Variants in KCNIP1 observed in about 807,000 individuals in gnomAD.
KCNIP1 encodes the protein A-type potassium channel modulatory protein KCNIP1.
A neutral mutation model predicts 33.0 loss-of-function variants in KCNIP1; 18 were observed. That is an observed-to-expected ratio of 0.55 (90% CI 0.38 to 0.81). KCNIP1 has a LOEUF of 0.81. KCNIP1 is among the 30% of genes least tolerant of loss of function. The pLI is 0.00. For synonymous variants in KCNIP1, 93 were observed against 98.3 expected, an observed-to-expected ratio of 0.95 and a Z score of 0.32; for missense variants, 238 against 271.6, an observed-to-expected ratio of 0.88 and a Z score of 0.87.
At chr5:170,722,564 C>T in intron 4 of KCNIP1, 149 bp from the exon 5 acceptor site, 1 of 663,552 alleles carries the variant, frequency 1.5e-6, no homozygotes, top group Non-Finnish European at 2.7e-6. Context: ...GGCAGGAGCT[C>T]TTCACAGAGC....
intron 1 of KCNIP1, among the ~76,000 whole-genome samples, chr5:170,585,327 G>A (rs190553761): frequency 6.2e-4 from 95 of 152,220 alleles, no homozygotes; most frequent in African/African-American, 2.2e-3. Flanking sequence ...GTTTTGTCCA[G>A]GGTCATCAGT....
At chr5:170,652,421 G>A (rs867510569) in intron 1 of KCNIP1, among the ~76,000 whole-genome samples, 3 of 149,310 alleles carry the variant, frequency 2.0e-5, no homozygotes, top group Admixed American at 6.7e-5. Flanking sequence ...GGAGGCAGAG[G>A]TTGCAGTGAG....
At chr5:170,563,740 A>G (rs1176217261) in intron 1 of KCNIP1, among the ~76,000 whole-genome samples, 2 of 152,192 alleles carry the variant, frequency 1.3e-5, no homozygotes, top group African/African-American at 4.8e-5. Context: ...TCCCAGGTTC[A>G]AACGATTCTC....
intron 1 of KCNIP1, among the ~76,000 whole-genome samples, chr5:170,649,390 T>A (rs914299977): frequency 6.6e-6 from 1 of 152,204 alleles, no homozygotes; most frequent in Non-Finnish European, 1.5e-5. Context: ...TTGCCTGCCA[T>A]CAAAACTTTT....
At chr5:170,599,830 A>G (rs1326456946) in intron 1 of KCNIP1, among the ~76,000 whole-genome samples, 4 of 152,238 alleles carry the variant, frequency 2.6e-5, no homozygotes, top group African/African-American at 9.6e-5. Flanking sequence ...ACAAAAGAGG[A>G]CTTAGTCAAA....
At chr5:170,443,425 A>T (rs2113043143) in intron 1 of KCNIP1, among the ~76,000 whole-genome samples, 1 of 152,336 alleles carries the variant, frequency 6.6e-6, no homozygotes. Context: ...GTGGGAAGAA[A>T]GCAGGGCTGG....
At chr5:170,529,642 G>A (rs1396017237) in intron 1 of KCNIP1, among the ~76,000 whole-genome samples, 1 of 152,234 alleles carries the variant, frequency 6.6e-6, no homozygotes, top group Non-Finnish European at 1.5e-5. Context: ...CAGGGCGCCT[G>A]CTTCCTGTTA....
chr5:170,463,161 C>G (rs1756542380), intron 1 of KCNIP1, among the ~76,000 whole-genome samples: 1 of 152,004 alleles, frequency 6.6e-6, no homozygotes, highest in South Asian at 2.1e-4. Context: ...TACCAAATAA[C>G]AAAGAAATTG....
intron 1 of KCNIP1, among the ~76,000 whole-genome samples, chr5:170,359,080 G>A (rs1042628648): frequency 3.3e-5 from 5 of 152,152 alleles, no homozygotes; most frequent in African/African-American, 1.2e-4. Flanking sequence ...TATGGGGAAA[G>A]GGAACACTCC....
chr5:170,558,304 G>A lies in KCNIP1; in HGVS notation c.61+53671G>A, dbSNP rs559583175. 1.5e-4 allele frequency among the ~76,000 whole-genome samples: 23 copies of A among 152,336 alleles called. No individual in the cohort carries two copies. In the South Asian group the frequency reaches 1.7e-3, roughly 11 times the overall value. ...TGTAATCCTAGCTACATAGAAGGCCGAGGTGAGTGGATGGCTTGAGCCCAA... is the reference window on the plus strand; with the variant it reads ...TGTAATCCTAGCTACATAGAAGGCCAAGGTGAGTGGATGGCTTGAGCCCAA... On this transcript the variant is annotated intron_variant, in intron 1 of 7. Coordinates refer to ENST00000328939, the MANE Select transcript of KCNIP1 (RefSeq NM_014592.4).
At chr5:170,670,753 T>C (rs1045420851) in intron 1 of KCNIP1, among the ~76,000 whole-genome samples, 4 of 151,854 alleles carry the variant, frequency 2.6e-5, no homozygotes, top group Non-Finnish European at 4.4e-5. Context: ...TTTAGCCAGG[T>C]GTGGTGATGC....
chr5:170,449,533 G>T (rs981076289), intron 1 of KCNIP1, among the ~76,000 whole-genome samples: 5 of 152,198 alleles, frequency 3.3e-5, no homozygotes, highest in African/African-American at 1.2e-4. Flanking sequence ...CCACTTAGCA[G>T]CTGGATGATG....
intron 1 of KCNIP1, among the ~76,000 whole-genome samples, chr5:170,436,645 A>C (rs1755871552): frequency 6.6e-6 from 1 of 152,186 alleles, no homozygotes; most frequent in African/African-American, 2.4e-5. Flanking sequence ...GCATGCATGC[A>C]TGTGTACTTG....
chr5:170,353,803 A>T, exon 1 of KCNIP1: 1 of 1,410,816 alleles, frequency 7.1e-7, no homozygotes, highest in Non-Finnish European at 9.9e-7. Flanking sequence ...GCAGGCTCCA[A>T]GTTCCTGGGG....
chr5:170,484,504 ATCCTC>A (rs1045448510), intron 1 of KCNIP1, among the ~76,000 whole-genome samples: 32 of 152,008 alleles, frequency 2.1e-4, no homozygotes, highest in Non-Finnish European at 4.4e-5. Context: ...TCCCTCTGGC[ATCCTC>A]TCTCCCTCCA....
intron 1 of KCNIP1, among the ~76,000 whole-genome samples, chr5:170,398,765 C>G (rs894505756): frequency 6.6e-6 from 1 of 152,232 alleles, no homozygotes. Flanking sequence ...ACCCCAATCC[C>G]TCCCAGCCTC....
intron 1 of KCNIP1, among the ~76,000 whole-genome samples, chr5:170,563,627 G>A (rs1053187648): frequency 3.3e-4 from 29 of 87,066 alleles, no homozygotes; most frequent in African/African-American, 1.7e-3. Flanking sequence ...GTTTTAAGGT[G>A]TTTTGTTTTT....
At chr5:170,569,282 A>T (rs1757312747) in intron 1 of KCNIP1, among the ~76,000 whole-genome samples, 1 of 152,236 alleles carries the variant, frequency 6.6e-6, no homozygotes, top group South Asian at 2.1e-4. Context: ...AGCTCCCAAA[A>T]TCTGCACCCC....
chr5:170,724,548 C>T (rs1763942417), intron 5 of KCNIP1, among the ~76,000 whole-genome samples: 1 of 152,112 alleles, frequency 6.6e-6, no homozygotes. Context: ...GAAGAATTAA[C>T]ACTGTCTTTA....
Sources: gnomAD v4.1 joint callset for allele counts (sites outside exome capture counted in the v4.1 genomes callset) on GRCh38, gnomAD v4.1.1 for gene constraint, MANE v1.5 for transcripts, NCBI Gene and HGNC (gene_info 2026-07-23, HGNC 2026-07-21) for gene names.